Variants in VPS39 observed in about 807,000 individuals in gnomAD.
The protein encoded by VPS39 is VPS39 subunit of HOPS complex, also known as vam6/Vps39-like protein.
In VPS39, 70 loss-of-function variants were observed where a neutral mutation model predicts 121.0. The observed-to-expected ratio is 0.58, with a 90% CI of 0.48 to 0.71. The LOEUF is 0.71. Among genes scored for constraint, VPS39 ranks in the 30% least tolerant of loss-of-function variants. The pLI is 0.00. For synonymous variants in VPS39, 378 were observed against 398.1 expected (o/e 0.95, Z 0.60); for missense variants, 818 against 1,051.5 (o/e 0.78, Z 3.07).
intron 1 of VPS39, among the ~76,000 whole-genome samples, chr15:42,205,620 A>C (rs1417148951): frequency 6.6e-6 from 1 of 152,190 alleles, no homozygotes; most frequent in Non-Finnish European, 1.5e-5. Flanking sequence ...CAGGGTGAAA[A>C]CTTTGGAACT....
intron 2 of VPS39, 111 bp downstream of exon 2, chr15:42,199,785 C>G: frequency 8.4e-6 from 10 of 1,185,862 alleles, no homozygotes; most frequent in Non-Finnish European, 1.2e-5. Flanking sequence ...TCCCACCGTG[C>G]TCCCTCTAAC....
chr15:42,166,055 GAA>G, intron 16 of VPS39, 102 bp downstream of exon 16: 1 of 1,213,510 alleles, frequency 8.2e-7, no homozygotes, highest in Non-Finnish European at 1.2e-6. Context: ...ATGCACCAAT[GAA>G]GACAGATGCA....
At chr15:42,191,699 ATAGCCAGCTCTCT>A in intron 2 of VPS39, 139 bp from the exon 3 acceptor site, 1 of 736,538 alleles carries the variant, frequency 1.4e-6, no homozygotes. Flanking sequence ...AGAGATCTAA[ATAGCCAGCTCTCT>A]TACAAGCACT....
intron 23 of VPS39, 86 bp downstream of exon 23, chr15:42,161,946 C>T: frequency 6.2e-7 from 1 of 1,600,246 alleles, no homozygotes; most frequent in South Asian, 1.1e-5. Flanking sequence ...TGTACAGGCT[C>T]TGCCTTGGTC....
chr15:42,172,238 G>A (rs373093507), intron 11 of VPS39, among the ~76,000 whole-genome samples: 11 of 152,256 alleles, frequency 7.2e-5, no homozygotes, highest in African/African-American at 1.7e-4. Context: ...CACGCCTTCC[G>A]GAAAGAGCCA....
chr15:42,164,813 G>A, intron 18 of VPS39, 183 bp downstream of exon 18: 1 of 1,437,694 alleles, frequency 7.0e-7, no homozygotes, highest in Non-Finnish European at 9.1e-7. Flanking sequence ...CCAGGACCTA[G>A]ACAAGAGCTC....
At position 42,166,893 on chromosome 15, in the gene VPS39, G is replaced by A. The variant is rs1170418131; in HGVS notation, c.1398C>T (p.Ala466=). The change falls in exon 14 of 25, where the codon GCC becomes GCT. Residue 466 remains alanine (A), a synonymous_variant. Transcript: ENST00000318006. ...GATTGTTCTCCAGGCGTAGCAAGGG[G>A]GCCACCAGGGCCACATTTGTCTGCA... is the stretch of plus-strand genomic sequence containing the variant. The part of the protein sequence containing the change: ...CYLHTNVALV[A]PLLRLENNHC... 3.1e-6 allele frequency: 5 copies of A among 1,614,080 alleles called. No individual in the cohort carries two copies. Among genetic ancestry groups the A allele is most frequent in the African/African-American group, 1.3e-5 (1 of 74,940 alleles).
At position 42,208,203 on chromosome 15, in the gene VPS39, C is replaced by A. The variant is rs201939395; in HGVS notation, c.-50G>T. 4.0e-3 allele frequency: 6,203 copies of A among 1,551,676 alleles called. 34 individuals are homozygous for A. Among genetic ancestry groups the A allele is most frequent in the Middle Eastern group, 0.016 (96 of 5,986 alleles). Reference sequence around the variant, plus strand: ...GCCGTCTCGCCCAGAGTGTTCCGGGCCGGGCTGGGGTCCGGAACGAGTCTG... The same window carrying A: ...GCCGTCTCGCCCAGAGTGTTCCGGGACGGGCTGGGGTCCGGAACGAGTCTG... On this transcript the variant is annotated 5_prime_UTR_variant, in exon 1 of 25. Coordinates refer to ENST00000318006, the MANE Select transcript of VPS39 (RefSeq NM_015289.5).
At chr15:42,201,285 C>G (rs980237077) in intron 1 of VPS39, among the ~76,000 whole-genome samples, 1 of 152,124 alleles carries the variant, frequency 6.6e-6, no homozygotes, top group African/African-American at 2.4e-5. Flanking sequence ...AAGTGATCCT[C>G]CCACCTCAGC....
chr15:42,190,994 C>A, intron 4 of VPS39, 131 bp downstream of exon 4: 1 of 964,892 alleles, frequency 1.0e-6, no homozygotes, highest in South Asian at 1.5e-5. Context: ...TAACCATGTA[C>A]CCTGTTATAC....
rs534114723 is a variant in VPS39 at position 42,165,623 on chromosome 15, A to T, written c.1779+95T>A. ...CCCTCATCCTTCCAATCCCCAAGTG[A>T]CATAAATCCCAAATCTGAACAGCCC... On this transcript the variant is annotated intron_variant, in intron 17 of 24. Transcript: ENST00000318006. 28 of 969,920 alleles carry T rather than the reference A, an allele frequency of 2.9e-5. No homozygotes were observed. In the East Asian group the frequency reaches 5.6e-4, roughly 19 times the overall value. 60.1% of individuals were successfully genotyped at this position (969,920 alleles called of 1,614,324 possible).
chr15:42,165,264 C>A, intron 17 of VPS39, 151 bp from the exon 18 acceptor site: 1 of 693,140 alleles, frequency 1.4e-6, no homozygotes, highest in Non-Finnish European at 2.5e-6. Flanking sequence ...TCGTCTAAAG[C>A]CACCAGGAAG....
intron 2 of VPS39, among the ~76,000 whole-genome samples, chr15:42,196,554 G>A (rs1397292748): frequency 1.3e-5 from 2 of 152,150 alleles, no homozygotes; most frequent in African/African-American, 4.8e-5. Context: ...GCAGCCAACA[G>A]ACACATGAAA....
At chr15:42,179,437 C>T (rs952133982) in intron 8 of VPS39, among the ~76,000 whole-genome samples, 10 of 150,352 alleles carry the variant, frequency 6.7e-5, no homozygotes, top group Non-Finnish European at 5.9e-5. Context: ...ATTAGCCGGG[C>T]GTGGTGGCAG....
At chr15:42,193,909 AT>A (rs2049881636) in intron 2 of VPS39, among the ~76,000 whole-genome samples, 3 of 152,014 alleles carry the variant, frequency 2.0e-5, no homozygotes, top group African/African-American at 7.2e-5. Context: ...ACAACCTGTC[AT>A]TCTTTCAAAC....
chr15:42,165,988 A>G (rs1352051462), intron 16 of VPS39, among the ~76,000 whole-genome samples, 171 bp downstream of exon 16: 2 of 152,190 alleles, frequency 1.3e-5, no homozygotes, highest in Non-Finnish European at 2.9e-5. Context: ...ATGCCTGTGT[A>G]AGGCTCTCTC....
intron 8 of VPS39, among the ~76,000 whole-genome samples, chr15:42,179,575 CAATAAATAAATAAATAAATA>C (rs372735737): frequency 0.012 from 1,349 of 108,048 alleles, 27 homozygotes; most frequent in African/African-American, 0.045. Context: ...GACTCCATCT[CAATAAATAAATAAATAAATA>C]AATAAATAAA....
chr15:42,197,750 T>C (rs1401382014), intron 2 of VPS39, among the ~76,000 whole-genome samples: 1 of 152,140 alleles, frequency 6.6e-6, no homozygotes, highest in Non-Finnish European at 1.5e-5. Flanking sequence ...TCCCTACCCC[T>C]AGTCTTTTCT....
At chr15:42,199,654 C>A in intron 2 of VPS39, 1 of 510,156 alleles carries the variant, frequency 2.0e-6, no homozygotes, top group Non-Finnish European at 3.5e-6. Flanking sequence ...AGACTCACTA[C>A]CAGTAATAAG....
Sources: gnomAD v4.1 joint callset for allele counts (sites outside exome capture counted in the v4.1 genomes callset) on GRCh38, gnomAD v4.1.1 for gene constraint, MANE v1.5 for transcripts, NCBI Gene and HGNC (gene_info 2026-07-23, HGNC 2026-07-21) for gene names.